The following SVEP1 variants were observed in gnomAD, a reference collection of about 807,000 sequenced individuals.
The protein encoded by SVEP1 is sushi, von Willebrand factor type A, EGF and pentraxin domain-containing protein 1.
In SVEP1, 164 loss-of-function variants were observed where a neutral mutation model predicts 367.3. The observed-to-expected ratio is 0.45, with a 90% CI of 0.39 to 0.51. SVEP1 has a LOEUF of 0.51. Among genes scored for constraint, SVEP1 ranks in the 20% least tolerant of loss-of-function variants. SVEP1 has a pLI of 0.00. For synonymous variants in SVEP1, 1,666 were observed against 1,611.6 expected, an observed-to-expected ratio of 1.03 and a Z score of -0.81; for missense variants, 4,117 against 4,425.3, an observed-to-expected ratio of 0.93 and a Z score of 1.98.
In SVEP1 at chr9:110,501,089, T is replaced by A. The variant is rs191233387; in HGVS notation, c.1484-1851A>T. On this transcript the variant is annotated intron_variant, in intron 6 of 47. Coordinates refer to ENST00000374469, the MANE Select transcript of SVEP1 (RefSeq NM_153366.4). ...TTAACATAAATATATGTACTATATA[T>A]TAATATAATTAATATACATATATAA... Among the ~76,000 whole-genome samples, 1,306 of 147,778 alleles carry A rather than the reference T, an allele frequency of 8.8e-3. 26 individuals are homozygous for A. The highest frequency in any genetic ancestry group is 0.03 in the African/African-American group (1,211 of 40,728).
intron 5 of SVEP1, among the ~76,000 whole-genome samples, chr9:110,506,435 C>A (rs1302245703): frequency 6.6e-6 from 1 of 152,204 alleles, no homozygotes; most frequent in Non-Finnish European, 1.5e-5. Flanking sequence ...AGGCAACCTA[C>A]AGAATGATCT....
chr9:110,419,049 T>G (rs2118526808), intron 36 of SVEP1, among the ~76,000 whole-genome samples: 1 of 20,692 alleles, frequency 4.8e-5, no homozygotes, highest in African/African-American at 1.7e-4. Context: ...AGGAAGAAAC[T>G]GCATCAACTA....
At chr9:110,394,416 A>G (rs1159740884) in intron 40 of SVEP1, among the ~76,000 whole-genome samples, 2 of 152,208 alleles carry the variant, frequency 1.3e-5, no homozygotes, top group Non-Finnish European at 2.9e-5. Flanking sequence ...ACAGAGCAGA[A>G]TAACTGGAAA....
chr9:110,441,607 C>T (rs558238855), intron 27 of SVEP1, among the ~76,000 whole-genome samples: 3 of 152,300 alleles, frequency 2.0e-5, no homozygotes, highest in Non-Finnish European at 4.4e-5. Flanking sequence ...TGTTTCATTC[C>T]TCTCTTCAGT....
chr9:110,537,701 A>G (rs1314032216), intron 3 of SVEP1, among the ~76,000 whole-genome samples: 1 of 151,938 alleles, frequency 6.6e-6, no homozygotes, highest in Admixed American at 6.6e-5. Flanking sequence ...TAATATTTAG[A>G]TTTTAGTAGG....
intron 45 of SVEP1, chr9:110,377,010 C>T (rs1018311956): frequency 5.1e-5 from 17 of 331,940 alleles, no homozygotes; most frequent in African/African-American, 3.5e-4. Flanking sequence ...CAAGCTCCTT[C>T]TCAAGAAGAC....
chr9:110,387,257 T>A (rs1397730787), intron 42 of SVEP1, 28 bp downstream of exon 42: 7 of 1,548,322 alleles, frequency 4.5e-6, no homozygotes, highest in Non-Finnish European at 6.1e-6. Flanking sequence ...TGAATCTGAT[T>A]AAAATTTCTC....
intron 1 of SVEP1, among the ~76,000 whole-genome samples, chr9:110,575,418 C>T (rs1441413529): frequency 2.0e-5 from 3 of 152,160 alleles, no homozygotes. Flanking sequence ...AGGGTTCTTC[C>T]TGGATGGAGT....
chr9:110,434,242 G>A (rs986919123), intron 30 of SVEP1, 94 bp downstream of exon 30: 1 of 1,328,610 alleles, frequency 7.5e-7, no homozygotes, highest in Non-Finnish European at 1.0e-6. Flanking sequence ...TTGCTACTGT[G>A]AAGTATTCAC....
intron 1 of SVEP1, among the ~76,000 whole-genome samples, chr9:110,551,615 G>A (rs1830287815): frequency 6.6e-6 from 1 of 152,146 alleles, no homozygotes; most frequent in Non-Finnish European, 1.5e-5. Flanking sequence ...GGACGTTACT[G>A]GAGACATTCC....
Position 110,481,236 on chromosome 9 carries a change from A to G in SVEP1, c.2365+6T>C. The G allele has an allele frequency of 2.0e-6, 3 of 1,530,572 alleles. No individual in the cohort carries two copies. In the South Asian group the frequency reaches 3.9e-5, roughly 20 times the overall value. 94.8% of individuals were successfully genotyped at this position (1,530,572 alleles called of 1,614,324 possible). ...TAAAGAAGTCTAGAATAAAATTAAA[A>G]CTTACTGGCACAGTCTGGCCATTCA... On this transcript the variant is annotated splice_donor_region_variant and intron_variant, in intron 12 of 47. Transcript: ENST00000374469.
In SVEP1 at chr9:110,406,211, T is replaced by C; in HGVS notation, c.9389A>G (p.Asn3130Ser). The change falls in exon 38 of 48, where the codon AAT becomes AGT. Residue 3130 changes from asparagine (N) to serine (S), a missense_variant. Physicochemically the swap from Asn to Ser is conservative, Grantham distance 46 (BLOSUM62 1). This residue lies in a region of SVEP1 where 1,765 missense variants were observed against 1,781.1 expected (regional missense o/e 0.99). Coordinates refer to ENST00000374469, the MANE Select transcript of SVEP1 (RefSeq NM_153366.4). ...GTGTGCCTCTCCAGTTGCCACTGCA[T>C]TGGCGACAGACGGTGGGGACCCACA... Reference protein sequence around the residue: ...LSCGSPPSVANAVATGEAHTY... With the variant: ...LSCGSPPSVASAVATGEAHTY... 2 of 1,608,660 alleles carry C rather than the reference T, an allele frequency of 1.2e-6. No individual in the cohort carries two copies. The highest frequency in any genetic ancestry group is 1.7e-6 in the Non-Finnish European group (2 of 1,176,870).
At chr9:110,465,530 T>C (rs138606594) in intron 18 of SVEP1, among the ~76,000 whole-genome samples, 3 of 152,328 alleles carry the variant, frequency 2.0e-5, no homozygotes, top group African/African-American at 7.2e-5. Context: ...TAGACAGAAC[T>C]TCACTTTATA....
chr9:110,486,395 CCA>C (rs1364150857), intron 9 of SVEP1, among the ~76,000 whole-genome samples: 3 of 152,078 alleles, frequency 2.0e-5, no homozygotes, highest in African/African-American at 7.2e-5. Flanking sequence ...GAGGCACAGC[CCA>C]CTTCAAAGCA....
chr9:110,526,963 T>C (rs1829946793), intron 3 of SVEP1, among the ~76,000 whole-genome samples: 2 of 152,110 alleles, frequency 1.3e-5, no homozygotes, highest in Non-Finnish European at 2.9e-5. Flanking sequence ...TATATAACAT[T>C]TGTGAAATGA....
At chr9:110,454,483 T>C (rs954217323) in intron 22 of SVEP1, among the ~76,000 whole-genome samples, 2 of 152,350 alleles carry the variant, frequency 1.3e-5, no homozygotes, top group Non-Finnish European at 2.9e-5. Context: ...AAATAAATTG[T>C]TCTACCAAAA....
At chr9:110,390,263 G>GTGTATATATACT (rs1827624135) in intron 40 of SVEP1, among the ~76,000 whole-genome samples, 1 of 60,158 alleles carries the variant, frequency 1.7e-5, no homozygotes, top group African/African-American at 6.8e-5. Context: ...ATATAAGTAT[G>GTGTATATATACT]TATATATATA....
chr9:110,397,550 A>T (rs916584236), intron 40 of SVEP1, among the ~76,000 whole-genome samples: 2 of 152,188 alleles, frequency 1.3e-5, no homozygotes, highest in African/African-American at 4.8e-5. Context: ...GAGGAAGTCA[A>T]ATTGTCCCTG....
At chr9:110,566,583 C>A (rs373451727) in intron 1 of SVEP1, among the ~76,000 whole-genome samples, 1 of 152,068 alleles carries the variant, frequency 6.6e-6, no homozygotes, top group East Asian at 1.9e-4. Context: ...TGAATGAAAA[C>A]CAGTAATCAT....
Sources: gnomAD v4.1 joint callset for allele counts (sites outside exome capture counted in the v4.1 genomes callset) on GRCh38, gnomAD v4.1.1 for gene constraint, gnomAD v4.1.1 regional missense constraint, MANE v1.5 for transcripts, NCBI Gene and HGNC (gene_info 2026-07-23, HGNC 2026-07-21) for gene names.